Variants in NME7 observed in about 807,000 individuals in gnomAD.
NME7 encodes the protein nucleoside diphosphate kinase 7.
In NME7, 41 loss-of-function variants were observed where a neutral mutation model predicts 49.1. The observed-to-expected ratio is 0.83, with a 90% CI of 0.65 to 1.08. The LOEUF is 1.08. Ranked by LOEUF, NME7 falls within the 50% of genes least tolerant of loss-of-function variation. The pLI, the probability that NME7 is intolerant of heterozygous loss-of-function variation, is 0.00. For synonymous variants in NME7, 139 were observed against 150.6 expected, an observed-to-expected ratio of 0.92 and a Z score of 0.56; for missense variants, 423 against 463.4, an observed-to-expected ratio of 0.91 and a Z score of 0.80.
At chr1:169,342,912 T>C (rs1289422052) in intron 1 of NME7, among the ~76,000 whole-genome samples, 1 of 77,890 alleles carries the variant, frequency 1.3e-5, no homozygotes, top group Non-Finnish European at 2.7e-5. Context: ...ATATATATAG[T>C]GTATATATAT....
chr1:169,213,369 TA>T (rs35119166), intron 10 of NME7, among the ~76,000 whole-genome samples: 57,051 of 149,506 alleles, frequency 0.38, 11,428 homozygotes, highest in East Asian at 0.79. Context: ...TGCACAGGAG[TA>T]AAAAAAAAAA....
At chr1:169,150,324 T>G (rs1181796989) in intron 11 of NME7, among the ~76,000 whole-genome samples, 1 of 152,196 alleles carries the variant, frequency 6.6e-6, no homozygotes, top group Non-Finnish European at 1.5e-5. Flanking sequence ...AGTCTATCTG[T>G]ATACTTGTTA....
chr1:169,219,269 T>C (rs1377824105), intron 10 of NME7, among the ~76,000 whole-genome samples: 1 of 152,108 alleles, frequency 6.6e-6, no homozygotes, highest in Non-Finnish European at 1.5e-5. Context: ...CAAAAATATT[T>C]GGAAAAATAA....
At chr1:169,135,687 T>G (rs1658407793) in intron 11 of NME7, among the ~76,000 whole-genome samples, 1 of 152,142 alleles carries the variant, frequency 6.6e-6, no homozygotes, top group Non-Finnish European at 1.5e-5. Context: ...CTGTTATTCT[T>G]CCAACCGATG....
intron 7 of NME7, among the ~76,000 whole-genome samples, chr1:169,248,892 CT>C (rs1648437938): frequency 7.4e-6 from 1 of 136,006 alleles, no homozygotes; most frequent in African/African-American, 2.6e-5. Context: ...TGGCAAACAT[CT>C]GATAATGTGA....
At chr1:169,259,526 G>C (rs1181655018) in intron 7 of NME7, among the ~76,000 whole-genome samples, 1 of 133,784 alleles carries the variant, frequency 7.5e-6, no homozygotes, top group East Asian at 2.0e-4. Flanking sequence ...GATGGTAGGA[G>C]TAAGTGATTT....
chr1:169,287,382 A>C lies in NME7; in HGVS notation c.675T>G (p.Ser225Arg). ...CAGTGTTTGCCGGCCCACAACCTCC[A>C]CTTGAAGGAAAAAACAACTCCATTT... Reference protein sequence around the residue: ...AREMELFFPSSGGCGPANTAK... With the variant: ...AREMELFFPSRGGCGPANTAK... Residue 225 changes from serine (S) to arginine (R), a missense_variant, in exon 7 of 12, where the codon AGT becomes AGG. Ser to Arg is a moderately radical substitution (Grantham distance 110, BLOSUM62 -1). Coordinates refer to ENST00000367811, the MANE Select transcript of NME7 (RefSeq NM_013330.5). 1 of 1,597,184 alleles carries C rather than the reference A, an allele frequency of 6.3e-7. No individual in the cohort carries two copies. The highest frequency in any genetic ancestry group is 8.5e-7 in the Non-Finnish European group (1 of 1,173,788).
At chr1:169,264,110 G>A (rs1649244378) in intron 7 of NME7, among the ~76,000 whole-genome samples, 1 of 133,634 alleles carries the variant, frequency 7.5e-6, no homozygotes. Flanking sequence ...CACTAGATAT[G>A]GAAAGGGAAG....
chr1:169,277,821 G>A (rs1278972805), intron 7 of NME7, among the ~76,000 whole-genome samples: 1 of 133,780 alleles, frequency 7.5e-6, no homozygotes, highest in Non-Finnish European at 1.6e-5. Flanking sequence ...GCAGCGGCTG[G>A]TACCAGTTGT....
chr1:169,137,759 G>GT (rs1170973196), intron 11 of NME7, among the ~76,000 whole-genome samples: 4 of 152,132 alleles, frequency 2.6e-5, no homozygotes, highest in Admixed American at 6.5e-5. Flanking sequence ...GAAAGGAGTG[G>GT]TAACTGAAAG....
At chr1:169,279,950 T>G (rs1414526330) in intron 7 of NME7, among the ~76,000 whole-genome samples, 1 of 152,262 alleles carries the variant, frequency 6.6e-6, no homozygotes, top group African/African-American at 2.4e-5. Context: ...TACAGCAGAA[T>G]GATTTATAAC....
chr1:169,360,790 A>G (rs2101989009), intron 1 of NME7, among the ~76,000 whole-genome samples: 1 of 152,326 alleles, frequency 6.6e-6, no homozygotes, highest in Non-Finnish European at 1.5e-5. Context: ...TGCATTACTT[A>G]GTTTAATTTT....
In NME7 at chr1:169,323,277, C is replaced by T; in HGVS notation, c.118G>A (p.Val40Ile). Reference protein sequence around the residue: ...PGDGSVEMHDVKNHRTFLKRT... With the variant: ...PGDGSVEMHDIKNHRTFLKRT... ...TTTAAAAAGGTGCGATGATTCTTTA[C>T]ATCATGCTAGAACCAGACACAACAA... Residue 40 changes from valine to isoleucine, a missense_variant, in exon 3 of 12, where the codon GTA becomes ATA. By Grantham distance (29) the Val-to-Ile change is conservative. Transcript: ENST00000367811. The T allele has an allele frequency of 1.3e-6, 2 of 1,593,686 alleles. No homozygotes were observed. The highest frequency in any genetic ancestry group is 1.7e-6 in the Non-Finnish European group (2 of 1,171,618).
At chr1:169,346,732 A>G (rs964901110) in intron 1 of NME7, among the ~76,000 whole-genome samples, 7 of 152,242 alleles carry the variant, frequency 4.6e-5, no homozygotes, top group Admixed American at 3.9e-4. Flanking sequence ...TTATTTATGG[A>G]TGCATCCCAA....
At chr1:169,275,252 G>T (rs1389587367) in intron 7 of NME7, among the ~76,000 whole-genome samples, 2 of 130,724 alleles carry the variant, frequency 1.5e-5, no homozygotes, top group African/African-American at 5.2e-5. Flanking sequence ...GCTCACTCAT[G>T]ATTTGGCTCT....
intron 10 of NME7, among the ~76,000 whole-genome samples, chr1:169,217,420 T>C (rs1221696489): frequency 6.6e-6 from 1 of 152,228 alleles, no homozygotes; most frequent in Non-Finnish European, 1.5e-5. Context: ...ATTCCATTAA[T>C]AATTTTTGTA....
intron 4 of NME7, among the ~76,000 whole-genome samples, chr1:169,306,198 T>A (rs1174561646): frequency 6.6e-6 from 1 of 151,988 alleles, no homozygotes; most frequent in Non-Finnish European, 1.5e-5. Context: ...TGACTAAGAG[T>A]CTTGTATACT....
At chr1:169,185,649 G>A (rs1054006910) in intron 10 of NME7, among the ~76,000 whole-genome samples, 1 of 152,112 alleles carries the variant, frequency 6.6e-6, no homozygotes, top group Non-Finnish European at 1.5e-5. Context: ...AAACCTCTGT[G>A]CTACAAAGGG....
At chr1:169,234,236 C>T (rs568163590) in intron 9 of NME7, among the ~76,000 whole-genome samples, 3 of 152,244 alleles carry the variant, frequency 2.0e-5, no homozygotes, top group African/African-American at 7.2e-5. Context: ...CCTTAGGTAG[C>T]TATGTGTAGG....
Sources: allele counts gnomAD v4.1 joint callset (sites outside exome capture counted in the v4.1 genomes callset), GRCh38; gene constraint gnomAD v4.1.1; transcripts MANE v1.5; gene names NCBI Gene and HGNC (gene_info 2026-07-23, HGNC 2026-07-21).